Variants in HS6ST3 observed in about 807,000 individuals in gnomAD.
HS6ST3 encodes the protein heparan-sulfate 6-O-sulfotransferase 3.
HS6ST3 carries 12 observed loss-of-function variants against 36.7 expected under a neutral mutation model. The ratio of observed to expected loss-of-function variants is 0.33; its 90% confidence interval spans 0.21 to 0.53. The LOEUF (loss-of-function observed/expected upper bound fraction) is 0.53, where lower values mean the gene tolerates loss of function less well. Ranked by LOEUF, HS6ST3 falls within the 20% of genes least tolerant of loss-of-function variation. The pLI is 0.95. For synonymous variants in HS6ST3, 240 were observed against 257.5 expected, an observed-to-expected ratio of 0.93 and a Z score of 0.65; for missense variants, 584 against 640.9, an observed-to-expected ratio of 0.91 and a Z score of 0.96.
Position 96,833,425 on chromosome 13 carries a change from G to T in HS6ST3, c.*227G>T. 2 of 504,958 alleles carry T rather than the reference G, an allele frequency of 4.0e-6. No individual in the cohort carries two copies. Among genetic ancestry groups the T allele is most frequent in the Non-Finnish European group, 6.9e-6 (2 of 287,920 alleles). 31.3% of individuals were successfully genotyped at this position (504,958 alleles called of 1,614,324 possible). ...TGGTGATATTAAGTAGGGTAGGAGTGCATCCCATATAGGCCATTTTAGAAG... is the reference window on the plus strand; with the variant it reads ...TGGTGATATTAAGTAGGGTAGGAGTTCATCCCATATAGGCCATTTTAGAAG... On this transcript the variant is annotated 3_prime_UTR_variant, in exon 2 of 2. Transcript: ENST00000376705.
At chr13:96,139,505 G>C (rs916634625) in intron 1 of HS6ST3, among the ~76,000 whole-genome samples, 7 of 117,302 alleles carry the variant, frequency 6.0e-5, no homozygotes, top group African/African-American at 2.3e-4. Flanking sequence ...TGTCAGTTGG[G>C]AATGAAACCC....
In HS6ST3 at chr13:96,656,848, A is replaced by G. The variant is rs570869588; in HGVS notation, c.708-175642A>G. ...CTGGATTGACGGAATTATATACAAAATAATCTTATGCTTGCTCTAAAGCCA... is the reference window on the plus strand; with the variant it reads ...CTGGATTGACGGAATTATATACAAAGTAATCTTATGCTTGCTCTAAAGCCA... On this transcript the variant is annotated intron_variant, in intron 1 of 1. Transcript: ENST00000376705. Among the ~76,000 whole-genome samples, 3 of 152,194 alleles carry G rather than the reference A, an allele frequency of 2.0e-5. No homozygotes were observed. In the South Asian group the frequency reaches 6.2e-4, roughly 32 times the overall value.
intron 1 of HS6ST3, among the ~76,000 whole-genome samples, chr13:96,719,604 T>A (rs1347227418): frequency 1.3e-5 from 2 of 152,234 alleles, no homozygotes; most frequent in Non-Finnish European, 2.9e-5. Flanking sequence ...GCTTAGACTT[T>A]AAAATGAGTA....
chr13:96,531,821 G>A (rs182779019), intron 1 of HS6ST3, among the ~76,000 whole-genome samples: 24 of 152,350 alleles, frequency 1.6e-4, no homozygotes, highest in Admixed American at 1.4e-3. Context: ...TTGGGGCAAC[G>A]TGTATAATAA....
At chr13:96,694,113 AC>A (rs1310779070) in intron 1 of HS6ST3, among the ~76,000 whole-genome samples, 1 of 152,064 alleles carries the variant, frequency 6.6e-6, no homozygotes, top group Non-Finnish European at 1.5e-5. Context: ...TTATTTAGTC[AC>A]CCAAGTATTA....
chr13:96,470,127 A>G (rs1323858679), intron 1 of HS6ST3, among the ~76,000 whole-genome samples: 1 of 151,988 alleles, frequency 6.6e-6, no homozygotes, highest in Non-Finnish European at 1.5e-5. Context: ...CCCCATATTC[A>G]CTTTTTCCCT....
intron 1 of HS6ST3, among the ~76,000 whole-genome samples, chr13:96,462,818 A>G (rs1440547374): frequency 6.6e-6 from 1 of 152,234 alleles, no homozygotes; most frequent in Non-Finnish European, 1.5e-5. Context: ...CTATCTATCT[A>G]AATGAGTTGC....
intron 1 of HS6ST3, among the ~76,000 whole-genome samples, chr13:96,399,042 A>T (rs1021827546): frequency 6.6e-6 from 1 of 152,200 alleles, no homozygotes; most frequent in African/African-American, 2.4e-5. Context: ...CAGACTCCTG[A>T]CTCATAGAAA....
Position 96,527,682 on chromosome 13 carries a change from A to T in HS6ST3, c.708-304808A>T, listed in dbSNP as rs532452564. 2.6e-5 allele frequency among the ~76,000 whole-genome samples: 4 copies of T among 152,302 alleles called. No homozygotes were observed. In the South Asian group the frequency reaches 8.3e-4, roughly 32 times the overall value. The stretch of plus-strand genomic sequence containing the variant: ...GCAAGCTAAGTGAACTTCATAGGTG[A>T]GAGGATCACCAGCAGAGGGAACTGC... On this transcript the variant is annotated intron_variant, in intron 1 of 1. Transcript: ENST00000376705.
chr13:96,339,648 C>A (rs2055120205), intron 1 of HS6ST3, among the ~76,000 whole-genome samples: 1 of 152,218 alleles, frequency 6.6e-6, no homozygotes. Context: ...AATTGAAGAA[C>A]TGGATTGTTC....
intron 1 of HS6ST3, among the ~76,000 whole-genome samples, chr13:96,227,219 A>T (rs188093569): frequency 2.0e-5 from 3 of 152,300 alleles, no homozygotes; most frequent in Admixed American, 6.5e-5. Context: ...TGGGATAAAT[A>T]TTTACCCATT....
At chr13:96,646,696 C>T (rs1272604841) in intron 1 of HS6ST3, among the ~76,000 whole-genome samples, 1 of 151,826 alleles carries the variant, frequency 6.6e-6, no homozygotes, top group Non-Finnish European at 1.5e-5. Context: ...GAAAGTGGAT[C>T]AATTATGTGA....
chr13:96,340,113 A>G (rs2055122685), intron 1 of HS6ST3, among the ~76,000 whole-genome samples: 1 of 152,174 alleles, frequency 6.6e-6, no homozygotes, highest in Non-Finnish European at 1.5e-5. Flanking sequence ...GCTATTATGT[A>G]TTAGGTATGT....
At position 96,500,034 on chromosome 13, in the gene HS6ST3, A is replaced by G. The variant is rs188046419; in HGVS notation, c.708-332456A>G. ...GCAACATCCCTGCTGATTTCAGAAC[A>G]TTTTCATCACTGCACAAAGGAGCCG... On this transcript the variant is annotated intron_variant, in intron 1 of 1. Coordinates refer to ENST00000376705, the MANE Select transcript of HS6ST3 (RefSeq NM_153456.4). Among the ~76,000 whole-genome samples the G allele has an allele frequency of 5.0e-3, 760 of 152,214 alleles. 12 individuals are homozygous for G. Among genetic ancestry groups the G allele is most frequent in the African/African-American group, 0.017 (704 of 41,538 alleles).
At chr13:96,173,732 AAG>A (rs1394116461) in intron 1 of HS6ST3, among the ~76,000 whole-genome samples, 1 of 152,074 alleles carries the variant, frequency 6.6e-6, no homozygotes, top group Non-Finnish European at 1.5e-5. Context: ...TAGTTCAAGA[AAG>A]AGAGATCATT....
chr13:96,591,472 AC>A (rs2138975657), intron 1 of HS6ST3, among the ~76,000 whole-genome samples: 1 of 152,148 alleles, frequency 6.6e-6, no homozygotes, highest in East Asian at 1.9e-4. Flanking sequence ...AAATGGGATT[AC>A]TTTTTAATTT....
chr13:96,656,572 A>G (rs184719311), intron 1 of HS6ST3, among the ~76,000 whole-genome samples: 1 of 152,286 alleles, frequency 6.6e-6, no homozygotes, highest in East Asian at 1.9e-4. Flanking sequence ...AAATATGTTG[A>G]TGTGGAAGAA....
chr13:96,512,871 C>T (rs914170800), intron 1 of HS6ST3, among the ~76,000 whole-genome samples: 4 of 150,420 alleles, frequency 2.7e-5, no homozygotes, highest in African/African-American at 9.8e-5. Context: ...TGATCTTTAA[C>T]CTCTCATTTT....
chr13:96,193,615 C>T (rs1240725503), intron 1 of HS6ST3, among the ~76,000 whole-genome samples: 1 of 152,126 alleles, frequency 6.6e-6, no homozygotes, highest in Non-Finnish European at 1.5e-5. Context: ...TGGGCACACT[C>T]TTCAAAACTG....
Sources: gnomAD v4.1 joint callset for allele counts (sites outside exome capture counted in the v4.1 genomes callset) on GRCh38, gnomAD v4.1.1 for gene constraint, MANE v1.5 for transcripts, NCBI Gene and HGNC (gene_info 2026-07-23, HGNC 2026-07-21) for gene names.